The following ENO1 variants were observed in gnomAD, a reference collection of about 807,000 sequenced individuals.
ENO1 encodes the protein alpha-enolase.
A neutral mutation model predicts 46.3 loss-of-function variants in ENO1; 33 were observed. The ratio of observed to expected loss-of-function variants is 0.71; its 90% CI spans 0.54 to 0.95. ENO1 has a LOEUF of 0.95. Ranked by LOEUF, ENO1 falls within the 40% of genes least tolerant of loss-of-function variation. The probability of loss-of-function intolerance (pLI) is 0.00; values close to 1 mark genes in which losing one functional copy is unlikely to be tolerated. For missense variants in ENO1, 488 were observed against 553.3 expected, an observed-to-expected ratio of 0.88 and a Z score of 1.18; for synonymous variants, 220 against 216.0, an observed-to-expected ratio of 1.02 and a Z score of -0.16.
intron 1 of ENO1, among the ~76,000 whole-genome samples, 164 bp from the exon 2 acceptor site, chr1:8,875,081 A>C (rs963271257): frequency 1.3e-5 from 2 of 152,206 alleles, no homozygotes; most frequent in Non-Finnish European, 2.9e-5. Context: ...AGCCTGCTGG[A>C]AAGCAGTGAG....
chr1:8,862,447 A>T (rs1205267966), intron 11 of ENO1, among the ~76,000 whole-genome samples: 1 of 152,232 alleles, frequency 6.6e-6, no homozygotes, highest in Non-Finnish European at 1.5e-5. Flanking sequence ...AAGGGAGACC[A>T]GAACAGCCCC....
intron 2 of ENO1, among the ~76,000 whole-genome samples, chr1:8,873,024 G>C (rs1642664996): frequency 6.6e-6 from 1 of 152,212 alleles, no homozygotes; most frequent in African/African-American, 2.4e-5. Flanking sequence ...TTCTAGCAAA[G>C]GACCCAGCAG....
chr1:8,874,595 A>AAAG (rs1553156820), intron 2 of ENO1, among the ~76,000 whole-genome samples: 361 of 146,794 alleles, frequency 2.5e-3, no homozygotes, highest in Non-Finnish European at 4.4e-3. Context: ...AAAAAAAAAA[A>AAAG]AAAAAGAAAA....
rs1642603742 is a variant in ENO1 at position 8,870,341 on chromosome 1, A to G, written c.240+111T>C. 6 of 1,373,930 alleles carry G rather than the reference A, an allele frequency of 4.4e-6. No individual in the cohort carries two copies. In the South Asian group the frequency reaches 7.3e-5, roughly 17 times the overall value. 85.1% of individuals were successfully genotyped at this position (1,373,930 alleles called of 1,614,324 possible). ...GTTCTCGTGCGTGACAGGGAATCCA[A>G]TAGGCTTCTACAGCTCTCAGAATAA... On this transcript the variant is annotated intron_variant, in intron 4 of 11. Transcript: ENST00000234590.
At chr1:8,862,297 T>C (rs1409049065) in intron 11 of ENO1, among the ~76,000 whole-genome samples, 3 of 152,110 alleles carry the variant, frequency 2.0e-5, no homozygotes, top group Admixed American at 2.0e-4. Flanking sequence ...GCGTCTACTG[T>C]TCACCTGCTT....
intron 4 of ENO1, 158 bp downstream of exon 4, chr1:8,870,294 A>C (rs1642602768): frequency 1.1e-6 from 1 of 880,374 alleles, no homozygotes. Context: ...CGGGCAGGTT[A>C]GAATTATGTC....
At chr1:8,871,139 G>C in intron 3 of ENO1, 1 of 1,152,836 alleles carries the variant, frequency 8.7e-7, no homozygotes. Flanking sequence ...TGTGTGTAGA[G>C]TGCTTCTTAC....
chr1:8,864,123 G>A (rs959916200), intron 8 of ENO1, 31 bp from the exon 9 acceptor site: 1 of 1,610,792 alleles, frequency 6.2e-7, no homozygotes, highest in Non-Finnish European at 8.5e-7. Context: ...CTTCATCAGT[G>A]TGATCCTCCC....
At chr1:8,861,507 G>A (rs1412883542) in intron 11 of ENO1, 78 bp from the exon 12 acceptor site, 17 of 1,497,130 alleles carry the variant, frequency 1.1e-5, no homozygotes, top group Admixed American at 1.8e-5. Context: ...TCCCATCCTA[G>A]ATGTGGTCAA....
intron 11 of ENO1, 152 bp downstream of exon 11, chr1:8,862,735 A>C (rs1642432159): frequency 1.2e-6 from 1 of 839,512 alleles, no homozygotes; most frequent in Non-Finnish European, 1.8e-6. Flanking sequence ...GTCCTGACCT[A>C]AGCCTGCTCA....
At chr1:8,877,719 A>T (rs1203983547) in intron 1 of ENO1, 1 of 152,092 alleles carries the variant, frequency 6.6e-6, no homozygotes, top group Non-Finnish European at 1.5e-5. Context: ...ACAAAAAAAA[A>T]ACAAAATTAG....
intron 2 of ENO1, among the ~76,000 whole-genome samples, chr1:8,874,264 T>C (rs546976520): frequency 3.3e-4 from 50 of 152,182 alleles, no homozygotes; most frequent in African/African-American, 1.1e-3. Flanking sequence ...AGCCAACTTA[T>C]GTGGTTTTAA....
intron 3 of ENO1, chr1:8,871,279 G>A (rs915361131): frequency 4.0e-6 from 4 of 1,002,054 alleles, no homozygotes; most frequent in Non-Finnish European, 3.6e-6. Context: ...CTGAGAATGC[G>A]TGATCTAGCC....
chr1:8,869,455 A>G (rs1642586945), intron 4 of ENO1, among the ~76,000 whole-genome samples: 1 of 152,144 alleles, frequency 6.6e-6, no homozygotes. Context: ...ACAACAAAGG[A>G]ACTCCTCCTT....
intron 1 of ENO1, among the ~76,000 whole-genome samples, chr1:8,875,205 C>G (rs1344506327): frequency 6.6e-6 from 1 of 151,612 alleles, no homozygotes; most frequent in Non-Finnish European, 1.5e-5. Context: ...TCCGACTGCT[C>G]AAGTCATTGC....
intron 7 of ENO1, 30 bp downstream of exon 7, chr1:8,866,249 G>A: frequency 1.2e-6 from 2 of 1,607,894 alleles, no homozygotes; most frequent in Non-Finnish European, 1.7e-6. Flanking sequence ...TGCAGGGCTG[G>A]GTGGGGGGGC....
rs1225950961 is a variant in ENO1 at position 8,866,384 on chromosome 1, CCT to C, written c.560_561del (p.Glu187GlyfsTer23). On this transcript the variant is annotated frameshift_variant, in exon 7 of 12. Coordinates refer to ENST00000234590, the MANE Select transcript of ENO1 (RefSeq NM_001428.5). LOFTEE classifies it high-confidence loss of function. ...ATGACATTCTTCAGGTTGTGGTAAA[CCT>C]CTGCTCCAATGCGCATGGCTTCCCT... ...NFREAMRIGAEVYHNLKNVIK... is the reference protein window; with the variant it reads ...NFREAMRIGAXVYHNLKNVIK... The C allele has an allele frequency of 6.2e-7, 1 of 1,614,124 alleles. No individual in the cohort carries two copies. The highest frequency in any genetic ancestry group is 1.3e-5 in the African/African-American group (1 of 74,934).
rs374017814 is a variant in ENO1, at chr1:8,866,271, G to T, written c.667+8C>A. The T allele has an allele frequency of 6.2e-7, 1 of 1,613,394 alleles. No homozygotes were observed. The highest frequency in any genetic ancestry group is 1.3e-5 in the African/African-American group (1 of 74,850). ...CTGGGTGGGGGGGCGGTTCCCTAGC[G>T]CCTTTACCTTCTTTATTCTCCAGGA... is the stretch of plus-strand genomic sequence containing the variant. On this transcript the variant is annotated splice_region_variant and intron_variant, in intron 7 of 11. Transcript: ENST00000234590.
At chr1:8,877,109 C>G (rs900167558) in intron 1 of ENO1, among the ~76,000 whole-genome samples, 1 of 152,084 alleles carries the variant, frequency 6.6e-6, no homozygotes, top group Non-Finnish European at 1.5e-5. Flanking sequence ...AGGCGCCCAC[C>G]ACCACACCCG....
Sources: allele counts gnomAD v4.1 joint callset (sites outside exome capture counted in the v4.1 genomes callset), GRCh38; gene constraint gnomAD v4.1.1; transcripts MANE v1.5; gene names NCBI Gene and HGNC (gene_info 2026-07-23, HGNC 2026-07-21).